Variants in RNF150 observed in about 807,000 individuals in gnomAD.
RNF150 encodes ring finger protein 150.
Under a neutral mutation model 39.3 loss-of-function variants are expected in RNF150, and 24 were observed. The observed-to-expected ratio is 0.61, with a 90% CI of 0.44 to 0.86. The LOEUF (loss-of-function observed/expected upper bound fraction) is 0.86, where lower values mean the gene tolerates loss of function less well. Ranked by LOEUF, RNF150 falls within the 40% of genes least tolerant of loss-of-function variation. The probability of loss-of-function intolerance (pLI) is 0.00; values close to 1 mark genes in which losing one functional copy is unlikely to be tolerated. For missense variants in RNF150, 502 were observed against 587.8 expected (o/e 0.85, Z 1.51); for synonymous variants, 255 against 227.3 (o/e 1.12, Z -1.10).
At chr4:140,874,568 AT>A (rs1207799408) in intron 6 of RNF150, among the ~76,000 whole-genome samples, 2 of 152,168 alleles carry the variant, frequency 1.3e-5, no homozygotes, top group African/African-American at 4.8e-5. Flanking sequence ...ACTATGCTTT[AT>A]TTTTTTGAGA....
At chr4:141,041,559 A>G (rs766047163) in intron 1 of RNF150, among the ~76,000 whole-genome samples, 2 of 152,132 alleles carry the variant, frequency 1.3e-5, no homozygotes, top group Non-Finnish European at 2.9e-5. Context: ...CCAAGACTCT[A>G]TAAAATACAA....
At chr4:141,026,102 T>A (rs1365380849) in intron 1 of RNF150, among the ~76,000 whole-genome samples, 1 of 152,092 alleles carries the variant, frequency 6.6e-6, no homozygotes, top group Non-Finnish European at 1.5e-5. Flanking sequence ...GATCTTAGAC[T>A]CTCCAGACTT....
At chr4:141,202,916 C>A (rs1728312163) in intron 1 of RNF150, among the ~76,000 whole-genome samples, 1 of 151,592 alleles carries the variant, frequency 6.6e-6, no homozygotes, top group Non-Finnish European at 1.5e-5. Flanking sequence ...GCAATAAATC[C>A]TTAAGAGTAT....
chr4:140,882,474 C>A (rs11725916), intron 6 of RNF150, among the ~76,000 whole-genome samples: 1 of 151,934 alleles, frequency 6.6e-6, no homozygotes, highest in Non-Finnish European at 1.5e-5. Context: ...CTCTATTCTA[C>A]TTATGCCTAT....
chr4:140,876,577 C>T (rs1729162907), intron 6 of RNF150, among the ~76,000 whole-genome samples: 1 of 152,196 alleles, frequency 6.6e-6, no homozygotes, highest in African/African-American at 2.4e-5. Flanking sequence ...GATAGACTGG[C>T]TCCTTCCTAC....
At chr4:140,934,728 G>T (rs906137501) in intron 4 of RNF150, among the ~76,000 whole-genome samples, 13 of 151,684 alleles carry the variant, frequency 8.6e-5, no homozygotes, top group African/African-American at 2.9e-4. Context: ...AGTACAACAG[G>T]GATCCCTGAG....
chr4:141,014,933 C>G (rs1298137804), intron 1 of RNF150, among the ~76,000 whole-genome samples: 3 of 151,382 alleles, frequency 2.0e-5, no homozygotes, highest in Non-Finnish European at 4.4e-5. Context: ...GTTTTTTTTT[C>G]TAGTATTTTA....
At chr4:140,884,801 C>A (rs1026634139) in intron 6 of RNF150, among the ~76,000 whole-genome samples, 10 of 152,092 alleles carry the variant, frequency 6.6e-5, no homozygotes, top group African/African-American at 2.4e-4. Flanking sequence ...TATTAGACAT[C>A]CCACTTTACA....
chr4:141,035,274 A>G (rs1252147262), intron 1 of RNF150, among the ~76,000 whole-genome samples: 2 of 152,162 alleles, frequency 1.3e-5, no homozygotes, highest in Non-Finnish European at 2.9e-5. Flanking sequence ...ATTTGTTCAT[A>G]TGTTATGAGT....
intron 1 of RNF150, among the ~76,000 whole-genome samples, chr4:141,095,634 A>G (rs987796372): frequency 6.6e-6 from 1 of 152,258 alleles, no homozygotes; most frequent in South Asian, 2.1e-4. Context: ...GTTTATAGAG[A>G]GAGCACTGAT....
At chr4:141,033,517 AAT>A (rs1736029354) in intron 1 of RNF150, among the ~76,000 whole-genome samples, 1 of 152,128 alleles carries the variant, frequency 6.6e-6, no homozygotes, top group Admixed American at 6.6e-5. Flanking sequence ...ATGAATCACA[AAT>A]ATTCTTAGTG....
chr4:141,116,784 T>C (rs562853449), intron 1 of RNF150, among the ~76,000 whole-genome samples: 4 of 152,168 alleles, frequency 2.6e-5, no homozygotes, highest in East Asian at 1.9e-4. Context: ...ATGTGGCACA[T>C]ACATACCATG....
chr4:141,120,027 T>C (rs1227898769), intron 1 of RNF150, among the ~76,000 whole-genome samples: 1 of 152,242 alleles, frequency 6.6e-6, no homozygotes. Flanking sequence ...TTATGGATGG[T>C]ACCTATTGTA....
intron 1 of RNF150, among the ~76,000 whole-genome samples, chr4:141,076,269 C>T (rs1054435844): frequency 1.3e-5 from 2 of 152,194 alleles, no homozygotes; most frequent in Admixed American, 1.3e-4. Context: ...TTTTGCCTCT[C>T]TACTACCCTT....
chr4:140,952,562 TTAAAA>T (rs1278414422), intron 2 of RNF150, among the ~76,000 whole-genome samples: 1 of 152,176 alleles, frequency 6.6e-6, no homozygotes, highest in Non-Finnish European at 1.5e-5. Context: ...CCACGCCCTT[TTAAAA>T]TAATGAAGGC....
chr4:141,210,265 T>C (rs1728441170), intron 1 of RNF150, among the ~76,000 whole-genome samples: 1 of 152,284 alleles, frequency 6.6e-6, no homozygotes, highest in Admixed American at 6.5e-5. Flanking sequence ...AGTGAGTATT[T>C]ATATTTGCTT....
intron 1 of RNF150, among the ~76,000 whole-genome samples, chr4:141,009,601 A>T (rs972002052): frequency 6.6e-6 from 1 of 152,246 alleles, no homozygotes; most frequent in Non-Finnish European, 1.5e-5. Context: ...TAAGGACTCA[A>T]GAAATGTTAG....
chr4:141,191,444 A>G (rs1403477476), intron 1 of RNF150, among the ~76,000 whole-genome samples: 4 of 152,166 alleles, frequency 2.6e-5, no homozygotes, highest in African/African-American at 9.7e-5. Context: ...TTCTGGAGAA[A>G]CTTTAAATGA....
At chr4:141,107,876 T>G (rs1392879857) in intron 1 of RNF150, among the ~76,000 whole-genome samples, 1 of 152,206 alleles carries the variant, frequency 6.6e-6, no homozygotes, top group Non-Finnish European at 1.5e-5. Context: ...ATCATTAAAA[T>G]GTCATTACAT....
Sources: gnomAD v4.1 joint callset for allele counts (sites outside exome capture counted in the v4.1 genomes callset) on GRCh38, gnomAD v4.1.1 for gene constraint, MANE v1.5 for transcripts, NCBI Gene and HGNC (gene_info 2026-07-23, HGNC 2026-07-21) for gene names.